The following SYNE1 variants were observed in gnomAD, a reference collection of about 807,000 sequenced individuals.
The protein encoded by SYNE1 is spectrin repeat containing nuclear envelope protein 1.
SYNE1 carries 616 observed loss-of-function variants against 1,111.0 expected under a neutral mutation model. The observed-to-expected ratio is 0.55, with a 90% confidence interval of 0.52 to 0.59. The LOEUF is 0.59. SYNE1 is among the 20% of genes least tolerant of loss of function. The pLI is 0.00. For synonymous variants in SYNE1, 3,855 were observed against 3,825.8 expected (o/e 1.01, Z -0.28); for missense variants, 10,006 against 10,417.0 (o/e 0.96, Z 1.72).
chr6:152,359,906 C>T (rs2096903137), intron 64 of SYNE1, among the ~76,000 whole-genome samples: 1 of 151,862 alleles, frequency 6.6e-6, no homozygotes, highest in Admixed American at 6.6e-5. Flanking sequence ...TCTAGCTCTC[C>T]GTCCTCTAAA....
intron 87 of SYNE1, chr6:152,311,189 GA>G (rs2095535307): frequency 2.7e-6 from 1 of 364,018 alleles, no homozygotes; most frequent in Non-Finnish European, 5.1e-6. Context: ...TTCTAGCAGT[GA>G]AAAACCCAAA....
intron 110 of SYNE1, 140 bp downstream of exon 110, chr6:152,235,966 CT>C: frequency 1.1e-6 from 1 of 872,616 alleles, no homozygotes; most frequent in African/African-American, 1.7e-5. Context: ...TGGTCTTGAA[CT>C]CCTGGCCTCA....
intron 95 of SYNE1, among the ~76,000 whole-genome samples, chr6:152,290,913 A>G (rs962248574): frequency 4.6e-5 from 7 of 151,964 alleles, no homozygotes; most frequent in Admixed American, 3.9e-4. Flanking sequence ...GCTGTGTTCC[A>G]GAACTTGTAG....
chr6:152,616,688 C>G (rs886599583), intron 3 of SYNE1, among the ~76,000 whole-genome samples: 6 of 152,162 alleles, frequency 3.9e-5, no homozygotes, highest in African/African-American at 1.4e-4. Flanking sequence ...CAATTTGAAA[C>G]AGCTAATGGC....
intron 105 of SYNE1, among the ~76,000 whole-genome samples, chr6:152,245,305 A>G (rs149495027): frequency 6.6e-6 from 1 of 152,364 alleles, no homozygotes; most frequent in Non-Finnish European, 1.5e-5. Flanking sequence ...AGCAAGGCTG[A>G]ATATAAGTAA....
At chr6:152,621,202 G>A (rs778155648) in intron 3 of SYNE1, among the ~76,000 whole-genome samples, 36 of 152,216 alleles carry the variant, frequency 2.4e-4, no homozygotes, top group Admixed American at 5.2e-4. Context: ...GATATATAGA[G>A]GAGCTAGAGG....
intron 18 of SYNE1, 95 bp downstream of exon 18, chr6:152,465,163 G>T: frequency 7.2e-7 from 1 of 1,383,742 alleles, no homozygotes; most frequent in Non-Finnish European, 1.0e-6. Flanking sequence ...AGTGACACTT[G>T]TAAATATATG....
chr6:152,263,439 G>T (rs2092318411), intron 100 of SYNE1, among the ~76,000 whole-genome samples: 1 of 152,036 alleles, frequency 6.6e-6, no homozygotes, highest in African/African-American at 2.4e-5. Flanking sequence ...CACCCAAGCT[G>T]GTGTGGACTC....
At chr6:152,279,298 T>G (rs1472625152) in intron 97 of SYNE1, among the ~76,000 whole-genome samples, 1 of 151,546 alleles carries the variant, frequency 6.6e-6, no homozygotes, top group Non-Finnish European at 1.5e-5. Context: ...TTTACTTTCC[T>G]TATAAATCAT....
At chr6:152,561,113 A>G (rs1029763161) in intron 3 of SYNE1, among the ~76,000 whole-genome samples, 1 of 152,148 alleles carries the variant, frequency 6.6e-6, no homozygotes, top group Non-Finnish European at 1.5e-5. Flanking sequence ...CATCAAAATC[A>G]GAAAGGAATA....
intron 46 of SYNE1, among the ~76,000 whole-genome samples, chr6:152,403,155 G>A (rs886287390): frequency 1.3e-5 from 2 of 152,156 alleles, no homozygotes; most frequent in Admixed American, 1.3e-4. Context: ...AACACATATG[G>A]AAGCTAAAGG....
intron 136 of SYNE1, among the ~76,000 whole-genome samples, chr6:152,149,071 G>A (rs1760924887): frequency 6.6e-6 from 1 of 152,094 alleles, no homozygotes; most frequent in African/African-American, 2.4e-5. Context: ...TCCTTTTATT[G>A]TATTTCTTCT....
In SYNE1 at chr6:152,407,158, T is replaced by C. The variant is rs1311919510; in HGVS notation, c.6579A>G (p.Arg2193=). ...EKLEENMDRL[R]VSLSIWDDVL... is the part of the protein sequence containing the mutation. ...CATCATCCCAAATGGACAGGCTTAC[T>C]CTCAGCCTATCCATGTTTTCTTCAA... The change falls in exon 45 of 146, where the codon AGA becomes AGG. Residue 2193 remains arginine (R), a synonymous_variant. Coordinates refer to ENST00000367255, the MANE Select transcript of SYNE1 (RefSeq NM_182961.4). 6.2e-7 allele frequency: 1 copy of C among 1,614,060 alleles called. No individual in the cohort carries two copies.
chr6:152,160,442 C>T (rs1429292626), intron 131 of SYNE1, among the ~76,000 whole-genome samples: 4 of 152,200 alleles, frequency 2.6e-5, no homozygotes, highest in Non-Finnish European at 4.4e-5. Context: ...GCTGGCTTGG[C>T]TGCAGTACAG....
In SYNE1 at chr6:152,484,948, A is replaced by G. The variant is rs779366372; in HGVS notation, c.1072T>C (p.Tyr358His). 12 of 1,612,862 alleles carry G rather than the reference A, an allele frequency of 7.4e-6. No individual in the cohort carries two copies. The highest frequency in any genetic ancestry group is 1.0e-5 in the Non-Finnish European group (12 of 1,179,620). Residue 358 changes from tyrosine (Y) to histidine (H), a missense_variant, in exon 13 of 146, where the codon TAT becomes CAT. By Grantham distance (83) the Tyr-to-His change is moderately conservative. Coordinates refer to ENST00000367255, the MANE Select transcript of SYNE1 (RefSeq NM_182961.4). The part of the protein sequence containing the change: ...YQSFKHFRVQ[Y>H]EMKRKQIEHL... Reference sequence around the variant, plus strand: ...TCAATCTGTTTCCTCTTCATTTCATATTGAACTCTGAAGTGCTTAAATGAC... The same window carrying G: ...TCAATCTGTTTCCTCTTCATTTCATGTTGAACTCTGAAGTGCTTAAATGAC...
In SYNE1 at chr6:152,425,510, T is replaced by C. The variant is rs2098338003; in HGVS notation, c.5138A>G (p.Tyr1713Cys). The C allele has an allele frequency of 6.2e-7, 1 of 1,614,184 alleles. No individual in the cohort carries two copies. The highest frequency in any genetic ancestry group is 8.5e-7 in the Non-Finnish European group (1 of 1,180,024). The change falls in exon 39 of 146, where the codon TAT (tyrosine) becomes TGT (cysteine). Residue 1713 changes from tyrosine to cysteine, a missense_variant. By Grantham distance (194) the Tyr-to-Cys change is radical. Around this residue, in one of 7 missense-constraint regions of SYNE1, gnomAD observed 1,971 missense variants for 2,084.1 expected, o/e 0.95. Coordinates refer to ENST00000367255, the MANE Select transcript of SYNE1 (RefSeq NM_182961.4). ...TTCCTTCAATTGCAAAAGTTTGCTA[T>C]AGAATGAGGCCTGGGATACAACTTC... Reference protein sequence around the residue: ...QNEVVSQASFYSKLLQLKESL... With the variant: ...QNEVVSQASFCSKLLQLKESL...
At chr6:152,414,212 T>G (rs2098117702) in intron 41 of SYNE1, among the ~76,000 whole-genome samples, 1 of 151,840 alleles carries the variant, frequency 6.6e-6, no homozygotes, top group African/African-American at 2.4e-5. Flanking sequence ...AAGACCAACC[T>G]GGGCAACAGA....
At chr6:152,504,698 C>G (rs2099048239) in intron 9 of SYNE1, among the ~76,000 whole-genome samples, 1 of 152,188 alleles carries the variant, frequency 6.6e-6, no homozygotes. Flanking sequence ...AAAGAGTTCA[C>G]TCCATTTCCA....
In SYNE1 at chr6:152,130,732, C is replaced by G; in HGVS notation, c.26141G>C (p.Ser8714Thr). 1.2e-5 allele frequency: 19 copies of G among 1,614,192 alleles called. No individual in the cohort carries two copies. Among genetic ancestry groups the G allele is most frequent in the Non-Finnish European group, 1.6e-5 (19 of 1,180,042 alleles). The change falls in exon 145 of 146, where the codon AGT (serine) becomes ACT (threonine). Residue 8714 changes from serine (S) to threonine (T), a missense_variant. Physicochemically the swap from Ser to Thr is moderately conservative, Grantham distance 58. Transcript: ENST00000367255. Reference sequence around the variant, plus strand: ...GAGAAGGAGGTACCTGCTATGTGGACTGCTGACAGAGGGTCCAGGCTGTGA... The same window carrying G: ...GAGAAGGAGGTACCTGCTATGTGGAGTGCTGACAGAGGGTCCAGGCTGTGA... ...SLSQPGPSVS[S>T]PHSRSTKGGS...
Sources: gnomAD v4.1 joint callset for allele counts (sites outside exome capture counted in the v4.1 genomes callset) on GRCh38, gnomAD v4.1.1 for gene constraint, gnomAD v4.1.1 regional missense constraint, MANE v1.5 for transcripts, NCBI Gene and HGNC (gene_info 2026-07-23, HGNC 2026-07-21) for gene names.